Variants in BRCA2 observed in about 807,000 individuals in gnomAD.
The protein encoded by BRCA2 is breast cancer type 2 susceptibility protein.
A neutral mutation model predicts 276.7 loss-of-function variants in BRCA2; 203 were observed. The ratio of observed to expected loss-of-function variants is 0.73; its 90% CI spans 0.65 to 0.82. The LOEUF (loss-of-function observed/expected upper bound fraction) is 0.82, where lower values mean the gene tolerates loss of function less well. BRCA2 is among the 40% of genes least tolerant of loss of function. BRCA2 has a pLI of 0.00. For missense variants in BRCA2, 3,920 were observed against 3,915.0 expected (o/e 1.00, Z -0.03); for synonymous variants, 1,289 against 1,338.4 (o/e 0.96, Z 0.81).
At position 32,379,459 on chromosome 13, in the gene BRCA2, T is replaced by C. The variant is rs876658955; in HGVS notation, c.8897T>C (p.Val2966Ala). ...EQKEQGLSRD[V>A]TTVWKLRIVS... ...AAGGAACAAGGTTTATCAAGGGATGTCACAACCGTGTGGAAGTTGCGTATT... is the reference window on the plus strand; with the variant it reads ...AAGGAACAAGGTTTATCAAGGGATGCCACAACCGTGTGGAAGTTGCGTATT... Residue 2966 changes from valine (V) to alanine (A), a missense_variant, in exon 22 of 27, where the codon GTC (valine) becomes GCC (alanine). Physicochemically the swap from Val to Ala is moderately conservative, Grantham distance 64. Transcript: ENST00000380152. The C allele has an allele frequency of 1.9e-6, 3 of 1,613,498 alleles. No individual in the cohort carries two copies. The highest frequency in any genetic ancestry group is 3.3e-4 in the Middle Eastern group (2 of 6,058).
Position 32,354,267 on chromosome 13 carries a change from T to C in BRCA2, c.7008-594T>C, listed in dbSNP as rs1460817. Among the ~76,000 whole-genome samples, 39,055 of 151,730 alleles carry C rather than the reference T, an allele frequency of 0.26. 5,220 individuals are homozygous for C. The highest frequency in any genetic ancestry group is 0.27 in the Non-Finnish European group (18,220 of 67,874). ...GTGGGAGAAATGAGAGTTTATTGAG[T>C]AGAGATTGAGGAAGTGAAAATAGCT... is the stretch of plus-strand genomic sequence containing the variant. On this transcript the variant is annotated intron_variant, in intron 13 of 26. Coordinates refer to ENST00000380152, the MANE Select transcript of BRCA2 (RefSeq NM_000059.4).
chr13:32,393,020 A>G (rs1191790783), intron 24 of BRCA2, among the ~76,000 whole-genome samples: 3 of 151,964 alleles, frequency 2.0e-5, no homozygotes, highest in Non-Finnish European at 4.4e-5. Flanking sequence ...ATGTTTTCTC[A>G]TGACTAGGAT....
Position 32,344,182 on chromosome 13 carries a change from A to G in BRCA2, c.6842-376A>G, listed in dbSNP as rs917073650. On this transcript the variant is annotated intron_variant, in intron 11 of 26. Coordinates refer to ENST00000380152, the MANE Select transcript of BRCA2 (RefSeq NM_000059.4). ...CCCCGTGCTGAAAAAAAAAAAAAAA[A>G]AGAGAGAAAAAGTTTATTTGAAGAA... Among the ~76,000 whole-genome samples the G allele has an allele frequency of 1.1e-3, 168 of 147,270 alleles. 1 individual carries two copies. The highest frequency in any genetic ancestry group is 3.5e-3 in the Middle Eastern group (1 of 286).
intron 13 of BRCA2, among the ~76,000 whole-genome samples, chr13:32,348,073 A>G (rs1284714562): frequency 1.3e-5 from 2 of 152,146 alleles, no homozygotes; most frequent in African/African-American, 4.8e-5. Flanking sequence ...AAATAAGAAC[A>G]AGTTGCTATA....
chr13:32,330,895 G>A (rs770385797), intron 8 of BRCA2, 24 bp from the exon 9 acceptor site: 4 of 1,436,380 alleles, frequency 2.8e-6, no homozygotes, highest in Non-Finnish European at 3.9e-6. Flanking sequence ...TTATACTAGT[G>A]ATTTTAAACT....
chr13:32,326,540 T>G lies in BRCA2; in HGVS notation c.558T>G (p.Ala186=). Residue 186 remains alanine (A), a synonymous_variant, in exon 7 of 27, where the codon GCT becomes GCG. Transcript: ENST00000380152. ...TPKHISESLG[A]EVDPDMSWSS... Reference sequence around the variant, plus strand: ...AACATATTTCTGAAAGTCTAGGAGCTGAGGTGGATCCTGATATGTCTTGGT... The same window carrying G: ...AACATATTTCTGAAAGTCTAGGAGCGGAGGTGGATCCTGATATGTCTTGGT... The G allele has an allele frequency of 1.2e-6, 2 of 1,614,050 alleles. No homozygotes were observed. Among genetic ancestry groups the G allele is most frequent in the Non-Finnish European group, 1.7e-6 (2 of 1,179,922 alleles).
chr13:32,342,087 C>G (rs753973466), intron 11 of BRCA2, among the ~76,000 whole-genome samples: 3 of 152,012 alleles, frequency 2.0e-5, no homozygotes, highest in Non-Finnish European at 2.9e-5. Context: ...GCCTGACCAA[C>G]ATGGTGAAAC....
chr13:32,344,518 T>C, intron 11 of BRCA2, 40 bp from the exon 12 acceptor site: 1 of 1,303,456 alleles, frequency 7.7e-7, no homozygotes, highest in East Asian at 2.3e-5. Context: ...AAAACTGATA[T>C]TATTTGCCTT....
intron 13 of BRCA2, among the ~76,000 whole-genome samples, chr13:32,352,513 A>C (rs1255378510): frequency 6.6e-6 from 1 of 152,238 alleles, no homozygotes; most frequent in Non-Finnish European, 1.5e-5. Flanking sequence ...AGAACATAGA[A>C]AAATTATCAG....
Position 32,339,676 on chromosome 13 carries a change from CA to C in BRCA2, c.5322del (p.Val1775TyrfsTer2). The C allele has an allele frequency of 6.2e-7, 1 of 1,612,102 alleles. No homozygotes were observed. The highest frequency in any genetic ancestry group is 1.1e-5 in the South Asian group (1 of 91,004). On this transcript the variant is annotated frameshift_variant, in exon 11 of 27. Coordinates refer to ENST00000380152, the MANE Select transcript of BRCA2 (RefSeq NM_000059.4). LOFTEE classifies it high-confidence loss of function. Reference sequence around the variant, plus strand: ...AATAAACTTGATTCTGGTATTGAGCCAGTATTGAAGAATGTTGAAGATCAAA... The same window carrying C: ...AATAAACTTGATTCTGGTATTGAGCCGTATTGAAGAATGTTGAAGATCAAA... ...SKNKLDSGIE[P>X]VLKNVEDQKN...
intron 2 of BRCA2, among the ~76,000 whole-genome samples, 179 bp from the exon 3 acceptor site, chr13:32,318,898 C>CA (rs1273970026): frequency 3.9e-5 from 6 of 152,138 alleles, no homozygotes; most frequent in South Asian, 4.1e-4. Context: ...ACTCTTGTTA[C>CA]ACCTTTCTAT....
chr13:32,327,830 A>T (rs912566179), intron 7 of BRCA2, among the ~76,000 whole-genome samples: 26 of 151,316 alleles, frequency 1.7e-4, no homozygotes, highest in African/African-American at 5.8e-4. Context: ...GTGCAGTGGC[A>T]CCGTCGCAGT....
At position 32,339,622 on chromosome 13, in the gene BRCA2, TATATAATGATTCAGG is replaced by T. The variant is rs758071261; in HGVS notation, c.5272_5286del (p.Asn1758_Tyr1762del). On this transcript the variant is annotated inframe_deletion, in exon 11 of 27. Transcript: ENST00000380152. ...AGCTATTCCTACCATTCTGATGAGG[TATATAATGATTCAGG>T]ATATCTCTCAAAAAATAAACTTGAT... The T allele has an allele frequency of 3.1e-6, 5 of 1,611,892 alleles. No individual in the cohort carries two copies. Among genetic ancestry groups the T allele is most frequent in the African/African-American group, 1.3e-5 (1 of 74,874 alleles).
intron 7 of BRCA2, 85 bp downstream of exon 7, chr13:32,326,698 T>G (rs2072352588): frequency 1.9e-6 from 2 of 1,030,952 alleles, no homozygotes; most frequent in Non-Finnish European, 2.9e-6. Context: ...AAAGGAAATA[T>G]GAAAAGAAAA....
chr13:32,383,254 G>A (rs1251472640), intron 24 of BRCA2, among the ~76,000 whole-genome samples: 1 of 151,320 alleles, frequency 6.6e-6, no homozygotes, highest in African/African-American at 2.4e-5. Context: ...CAGCTACTCG[G>A]GAGGCAGAGG....
At chr13:32,365,335 T>C (rs1223065582) in intron 18 of BRCA2, among the ~76,000 whole-genome samples, 1 of 151,966 alleles carries the variant, frequency 6.6e-6, no homozygotes, top group East Asian at 1.9e-4. Flanking sequence ...TCATTCATTA[T>C]GTGCTCTGGT....
chr13:32,372,828 T>G (rs2072843642), intron 20 of BRCA2, among the ~76,000 whole-genome samples: 1 of 152,094 alleles, frequency 6.6e-6, no homozygotes, highest in Non-Finnish European at 1.5e-5. Flanking sequence ...AAGACAAATC[T>G]CTTCCACCTA....
chr13:32,340,500 G>T lies in BRCA2; in HGVS notation c.6145G>T (p.Val2049Leu). 6.2e-7 allele frequency: 1 copy of T among 1,613,632 alleles called. No homozygotes were observed. The highest frequency in any genetic ancestry group is 8.5e-7 in the Non-Finnish European group (1 of 1,179,800). ...ATCCCAAAAAGGCTTTTCATATAAT[G>T]TGGTAAATTCATCTGCTTTCTCTGG... The part of the protein sequence containing the change: ...LISQKGFSYN[V>L]VNSSAFSGFS... Residue 2049 changes from valine (V) to leucine (L), a missense_variant, in exon 11 of 27, where the codon GTG (valine) becomes TTG (leucine). By Grantham distance (32) the Val-to-Leu change is conservative. Transcript: ENST00000380152.
chr13:32,392,853 T>G (rs1176071051), intron 24 of BRCA2, among the ~76,000 whole-genome samples: 1 of 152,194 alleles, frequency 6.6e-6, no homozygotes, highest in East Asian at 1.9e-4. Context: ...CAAATTGCAT[T>G]TAGTCATTTT....
Sources: gnomAD v4.1 joint callset for allele counts (sites outside exome capture counted in the v4.1 genomes callset) on GRCh38, gnomAD v4.1.1 for gene constraint, MANE v1.5 for transcripts, NCBI Gene and HGNC (gene_info 2026-07-23, HGNC 2026-07-21) for gene names.